The following NTM variants were observed in gnomAD, a reference collection of about 807,000 sequenced individuals.
NTM encodes IgLON family member 2.
In NTM, 13 loss-of-function variants were observed where a neutral mutation model predicts 42.1. The ratio of observed to expected loss-of-function variants is 0.31; its 90% confidence interval spans 0.20 to 0.49. The LOEUF (loss-of-function observed/expected upper bound fraction) is 0.49, where lower values mean the gene tolerates loss of function less well. Ranked by LOEUF, NTM falls within the 20% of genes least tolerant of loss-of-function variation. The pLI is 0.99. For missense variants in NTM, 373 were observed against 452.8 expected (o/e 0.82, Z 1.60); for synonymous variants, 187 against 179.2 (o/e 1.04, Z -0.35).
intron 2 of NTM, among the ~76,000 whole-genome samples, chr11:132,083,230 A>C (rs1401926620): frequency 6.6e-6 from 1 of 152,246 alleles, no homozygotes; most frequent in Non-Finnish European, 1.5e-5. Flanking sequence ...TTAATGAATG[A>C]GTCTAGAATT....
At chr11:132,300,158 A>G (rs1240300587) in intron 4 of NTM, among the ~76,000 whole-genome samples, 1 of 152,144 alleles carries the variant, frequency 6.6e-6, no homozygotes, top group Non-Finnish European at 1.5e-5. Flanking sequence ...TTAAGTTCCT[A>G]CTGGCAAAGC....
chr11:131,986,659 A>C (rs78361576), intron 2 of NTM, among the ~76,000 whole-genome samples: 3,961 of 152,218 alleles, frequency 0.026, 178 homozygotes, highest in African/African-American at 0.091. Context: ...TTAACACTTT[A>C]GCTGCTGGCA....
intron 2 of NTM, among the ~76,000 whole-genome samples, chr11:132,119,110 A>G (rs1456669188): frequency 6.6e-6 from 1 of 152,162 alleles, no homozygotes; most frequent in East Asian, 1.9e-4. Flanking sequence ...ACAGTGCCCC[A>G]CATTGGCATC....
chr11:131,900,664 A>G (rs543903302), intron 1 of NTM, among the ~76,000 whole-genome samples: 1 of 152,118 alleles, frequency 6.6e-6, no homozygotes, highest in East Asian at 1.9e-4. Context: ...GGAGAGAGAG[A>G]GAGAAAGAGA....
At chr11:132,222,246 C>A (rs1476946362) in intron 4 of NTM, among the ~76,000 whole-genome samples, 1 of 152,182 alleles carries the variant, frequency 6.6e-6, no homozygotes, top group East Asian at 1.9e-4. Context: ...CAACCTTTCT[C>A]TTTCCTCTCT....
chr11:131,393,704 T>C (rs1944268549), intron 1 of NTM, among the ~76,000 whole-genome samples: 1 of 152,166 alleles, frequency 6.6e-6, no homozygotes, highest in South Asian at 2.1e-4. Context: ...CGCCCCTCCT[T>C]CCTTCCCTCT....
intron 1 of NTM, among the ~76,000 whole-genome samples, chr11:131,831,312 C>T (rs949334579): frequency 2.4e-4 from 36 of 152,096 alleles, no homozygotes; most frequent in African/African-American, 8.5e-4. Context: ...CCCTTGCTTA[C>T]AAGGCATATT....
At chr11:131,885,520 G>A (rs2050242418) in intron 1 of NTM, among the ~76,000 whole-genome samples, 1 of 152,176 alleles carries the variant, frequency 6.6e-6, no homozygotes, top group African/African-American at 2.4e-5. Flanking sequence ...CAGGCTAATA[G>A]CATCCCACGC....
intron 2 of NTM, among the ~76,000 whole-genome samples, chr11:131,978,885 C>G (rs535023154): frequency 2.0e-5 from 3 of 152,214 alleles, no homozygotes; most frequent in East Asian, 1.9e-4. Flanking sequence ...GACCGGGAAA[C>G]CCTTTTATCA....
intron 7 of NTM, among the ~76,000 whole-genome samples, chr11:132,318,723 G>A (rs1160300684): frequency 6.6e-6 from 1 of 152,154 alleles, no homozygotes; most frequent in Non-Finnish European, 1.5e-5. Flanking sequence ...TGAAGCCAGG[G>A]AGGGGAATGC....
chr11:131,388,424 G>T (rs868368802), intron 1 of NTM, among the ~76,000 whole-genome samples: 1,512 of 110,004 alleles, frequency 0.014, 22 homozygotes, highest in African/African-American at 0.044. Flanking sequence ...TGGGTTTTGG[G>T]TTTTTTTTTT....
intron 1 of NTM, among the ~76,000 whole-genome samples, chr11:131,390,242 A>T (rs559888083): frequency 2.0e-5 from 3 of 152,148 alleles, no homozygotes; most frequent in Non-Finnish European, 4.4e-5. Flanking sequence ...ACGGTCTTTT[A>T]AACAACCAAC....
rs143593833 is a variant in NTM at position 132,308,419 on chromosome 11, C to T, written c.661+596C>T. Among the ~76,000 whole-genome samples, 531 of 152,008 alleles carry T rather than the reference C, an allele frequency of 3.5e-3. 1 individual carries two copies. Among genetic ancestry groups the T allele is most frequent in the Non-Finnish European group, 6.1e-3 (417 of 67,990 alleles). On this transcript the variant is annotated intron_variant, in intron 5 of 8. Coordinates refer to ENST00000683400, the MANE Select transcript of NTM (RefSeq NM_001352005.2). ...AAAGTTTGGAAGGTGCTGTGTGGAC[C>T]CCTCATTCTCCTTTCTCAGCCTTCC...
chr11:131,814,975 G>A (rs771826942), intron 1 of NTM, among the ~76,000 whole-genome samples: 62 of 151,852 alleles, frequency 4.1e-4, no homozygotes, highest in Non-Finnish European at 7.9e-4. Flanking sequence ...ACACACTGCG[G>A]GCCATGGATT....
intron 4 of NTM, among the ~76,000 whole-genome samples, chr11:132,290,970 C>T (rs2094437166): frequency 1.3e-5 from 2 of 151,972 alleles, no homozygotes; most frequent in Non-Finnish European, 1.5e-5. Context: ...AGATCTGAAC[C>T]ACATGTGGGA....
intron 1 of NTM, among the ~76,000 whole-genome samples, chr11:131,496,506 A>G (rs747448109): frequency 2.2e-4 from 33 of 152,210 alleles, no homozygotes; most frequent in Non-Finnish European, 4.6e-4. Flanking sequence ...ACCGCAGCCA[A>G]ATGTAAAGGC....
chr11:131,407,381 A>G (rs926882305), intron 1 of NTM, among the ~76,000 whole-genome samples: 2 of 152,224 alleles, frequency 1.3e-5, no homozygotes, highest in African/African-American at 4.8e-5. Flanking sequence ...AGAGCTACAT[A>G]CAATGCCCTG....
chr11:131,539,904 C>G (rs1287230674), intron 1 of NTM, among the ~76,000 whole-genome samples: 3 of 152,288 alleles, frequency 2.0e-5, no homozygotes, highest in Middle Eastern at 3.4e-3. Flanking sequence ...AAACTCATCT[C>G]TGTTTGTGCC....
At chr11:131,418,312 C>T (rs935962917) in intron 1 of NTM, among the ~76,000 whole-genome samples, 3 of 152,192 alleles carry the variant, frequency 2.0e-5, no homozygotes, top group Non-Finnish European at 2.9e-5. Flanking sequence ...CCAAAGGCAG[C>T]GTTTTGCATG....
Sources: gnomAD v4.1 joint callset for allele counts (sites outside exome capture counted in the v4.1 genomes callset) on GRCh38, gnomAD v4.1.1 for gene constraint, MANE v1.5 for transcripts, NCBI Gene and HGNC (gene_info 2026-07-23, HGNC 2026-07-21) for gene names.